CCDC178: variants seen among roughly 807,000 people sequenced by gnomAD.
The protein encoded by CCDC178 is coiled-coil domain containing 178.
Under a neutral mutation model 117.4 loss-of-function variants are expected in CCDC178, and 126 were observed. That is an observed-to-expected ratio of 1.07 (90% CI 0.93 to 1.24). The LOEUF is 1.24. CCDC178 is among the 50% of genes most tolerant of loss of function. The probability of loss-of-function intolerance (pLI) is 0.00; values close to 1 mark genes in which losing one functional copy is unlikely to be tolerated. For missense variants in CCDC178, 1,030 were observed against 986.9 expected (o/e 1.04, Z -0.59); for synonymous variants, 283 against 313.4 (o/e 0.90, Z 1.02).
intron 22 of CCDC178, among the ~76,000 whole-genome samples, chr18:32,972,402 T>C (rs1189993718): frequency 1.3e-5 from 2 of 152,156 alleles, no homozygotes; most frequent in African/African-American, 2.4e-5. Context: ...ACCAGTACCA[T>C]GCTGCTTTGG....
intron 15 of CCDC178, among the ~76,000 whole-genome samples, chr18:33,235,172 T>G (rs1312167129): frequency 4.6e-5 from 7 of 152,154 alleles, no homozygotes; most frequent in Admixed American, 2.0e-4. Context: ...AGTTAAAATA[T>G]CTGAAAAAGC....
intron 20 of CCDC178, among the ~76,000 whole-genome samples, chr18:33,200,641 G>A (rs1018362723): frequency 1.3e-5 from 2 of 152,092 alleles, no homozygotes; most frequent in Non-Finnish European, 2.9e-5. Flanking sequence ...TTCACTACTT[G>A]AAGTATTCTT....
intron 12 of CCDC178, among the ~76,000 whole-genome samples, chr18:33,287,284 G>A (rs368306988): frequency 5.3e-5 from 8 of 152,128 alleles, no homozygotes; most frequent in East Asian, 1.9e-4. Flanking sequence ...AATGCACATC[G>A]TTGCTTTTAA....
chr18:33,363,716 A>C (rs556657259), intron 6 of CCDC178, among the ~76,000 whole-genome samples: 1 of 152,216 alleles, frequency 6.6e-6, no homozygotes, highest in African/African-American at 2.4e-5. Flanking sequence ...TCTATGGGTC[A>C]AAAGAAGTTG....
Position 33,211,900 on chromosome 18 carries a change from G to A in CCDC178, c.2234C>T (p.Thr745Ile). ...LAVRQKTLQD[T>I]QKIIADSLEE... ...ACATGCAAAAATAATACTCACTTGG[G>A]TATCTTGAAGAGTTTTTTGTCTTAC... Residue 745 changes from threonine (T) to isoleucine (I), a missense_variant, in exon 20 of 23, where the codon ACC becomes ATC. Transcript: ENST00000383096. The A allele has an allele frequency of 6.2e-7, 1 of 1,601,278 alleles. No individual in the cohort carries two copies. Among genetic ancestry groups the A allele is most frequent in the Non-Finnish European group, 8.5e-7 (1 of 1,175,678 alleles).
At chr18:32,956,761 G>T (rs960442607) in intron 22 of CCDC178, 9 of 152,190 alleles carry the variant, frequency 5.9e-5, no homozygotes, top group Non-Finnish European at 1.3e-4. Context: ...TTGGTGCAGC[G>T]CAGCTTCCTT....
rs757189280 is a variant in CCDC178, at chr18:33,224,793, G to A, written c.1800C>T (p.Leu600=). 18 of 1,531,554 alleles carry A rather than the reference G, an allele frequency of 1.2e-5. 1 individual carries two copies. In the South Asian group the frequency reaches 1.8e-4, roughly 15 times the overall value. The allele number at this position is 1,531,554 out of a possible 1,614,324, so 94.9% of individuals were successfully genotyped here. The change falls in exon 17 of 23, where the codon CTC becomes CTT. Residue 600 remains leucine, a synonymous_variant. Transcript: ENST00000383096. ...TGCTTACAACAGAATGTTCTTTGTC[G>A]AGACTTCTGATTCTTTCAGCTTCAT... ...LEDEAERIRS[L]DKEHSVMLNN... is the part of the protein sequence containing the mutation.
chr18:33,412,254 T>C (rs190805426), intron 2 of CCDC178, 144 bp from the exon 3 acceptor site: 2 of 402,742 alleles, frequency 5.0e-6, no homozygotes, highest in Admixed American at 8.9e-5. Context: ...CTCTTTTTCT[T>C]ATTAGGACTA....
At chr18:33,006,082 C>T (rs886734086) in intron 21 of CCDC178, among the ~76,000 whole-genome samples, 1 of 151,996 alleles carries the variant, frequency 6.6e-6, no homozygotes, top group Admixed American at 6.6e-5. Flanking sequence ...CTGTGACATT[C>T]GTTTGGTTGA....
intron 4 of CCDC178, among the ~76,000 whole-genome samples, chr18:33,392,412 A>C (rs1398262596): frequency 1.3e-5 from 2 of 152,172 alleles, no homozygotes; most frequent in African/African-American, 4.8e-5. Flanking sequence ...GTTTTACTCT[A>C]ATCTTCAAAC....
At chr18:33,362,190 C>CACAT (rs1555692710) in intron 6 of CCDC178, among the ~76,000 whole-genome samples, 11,468 of 147,718 alleles carry the variant, frequency 0.078, 545 homozygotes, top group Non-Finnish European at 0.1. Context: ...TATATATATA[C>CACAT]ATATATATAT....
chr18:32,942,480 T>G (rs948700254), intron 22 of CCDC178, among the ~76,000 whole-genome samples: 4 of 152,028 alleles, frequency 2.6e-5, no homozygotes, highest in Non-Finnish European at 5.9e-5. Context: ...ACATTTTTCA[T>G]GGAAAGTTTT....
chr18:32,998,741 G>A (rs929727443), intron 21 of CCDC178, among the ~76,000 whole-genome samples: 7 of 152,084 alleles, frequency 4.6e-5, no homozygotes, highest in Admixed American at 6.5e-5. Flanking sequence ...GAAAGGAACC[G>A]TTGCCTTGAA....
intron 21 of CCDC178, among the ~76,000 whole-genome samples, chr18:33,014,721 A>AAG (rs1263534596): frequency 3.3e-5 from 5 of 152,308 alleles, no homozygotes; most frequent in African/African-American, 1.2e-4. Context: ...AATATTTGTC[A>AAG]AATTACTAGT....
At chr18:33,243,048 A>C (rs963075397) in intron 15 of CCDC178, among the ~76,000 whole-genome samples, 1 of 152,002 alleles carries the variant, frequency 6.6e-6, no homozygotes, top group African/African-American at 2.4e-5. Flanking sequence ...GTATATATAC[A>C]CAATGGAATA....
intron 11 of CCDC178, among the ~76,000 whole-genome samples, chr18:33,304,625 C>T (rs532448903): frequency 3.5e-4 from 53 of 152,350 alleles, no homozygotes; most frequent in African/African-American, 1.2e-3. Context: ...CAACCCTTCT[C>T]TAACTCTGCT....
chr18:33,031,909 T>C (rs983459136), intron 21 of CCDC178, among the ~76,000 whole-genome samples: 1 of 152,064 alleles, frequency 6.6e-6, no homozygotes, highest in Non-Finnish European at 1.5e-5. Context: ...ATAAATACTA[T>C]CTAGTAATGA....
At chr18:33,113,080 T>G (rs186117556) in intron 20 of CCDC178, among the ~76,000 whole-genome samples, 9 of 152,156 alleles carry the variant, frequency 5.9e-5, no homozygotes, top group Admixed American at 3.3e-4. Flanking sequence ...CTCTAAGAAT[T>G]TCTTTTTAAT....
At chr18:33,187,856 G>T (rs1438631905) in intron 20 of CCDC178, among the ~76,000 whole-genome samples, 1 of 152,128 alleles carries the variant, frequency 6.6e-6, no homozygotes, top group Non-Finnish European at 1.5e-5. Flanking sequence ...GTATGTGAAA[G>T]AAGGTAGCCA....
Sources: allele counts gnomAD v4.1 joint callset (sites outside exome capture counted in the v4.1 genomes callset), GRCh38; gene constraint gnomAD v4.1.1; transcripts MANE v1.5; gene names NCBI Gene and HGNC (gene_info 2026-07-23, HGNC 2026-07-21).